The following ROCK2 variants were observed in gnomAD, a reference collection of about 807,000 sequenced individuals.
ROCK2 encodes rho-associated protein kinase 2.
In ROCK2, 61 loss-of-function variants were observed where a neutral mutation model predicts 195.1. The observed-to-expected ratio is 0.31, with a 90% CI of 0.25 to 0.39. The LOEUF (loss-of-function observed/expected upper bound fraction) is 0.39. ROCK2 is among the 10% of genes least tolerant of loss of function. The pLI is 1.00. For missense variants in ROCK2, 1,109 were observed against 1,637.4 expected (o/e 0.68, Z 5.57); for synonymous variants, 504 against 545.5 (o/e 0.92, Z 1.06).
chr2:11,223,979 T>C (rs1388043328), intron 7 of ROCK2, among the ~76,000 whole-genome samples: 1 of 152,228 alleles, frequency 6.6e-6, no homozygotes, highest in Admixed American at 6.5e-5. Flanking sequence ...CAAAATACTC[T>C]CAAAAGTTAT....
intron 5 of ROCK2, among the ~76,000 whole-genome samples, chr2:11,228,112 C>A (rs1360633506): frequency 1.3e-5 from 2 of 152,120 alleles, no homozygotes; most frequent in African/African-American, 4.8e-5. Context: ...TGTCTGCATG[C>A]TGCAAAATTA....
intron 1 of ROCK2, among the ~76,000 whole-genome samples, chr2:11,298,350 G>A (rs559022773): frequency 6.6e-6 from 1 of 151,472 alleles, no homozygotes; most frequent in East Asian, 2.0e-4. Flanking sequence ...CTAGCCTATA[G>A]TCCCAGCTAC....
chr2:11,203,128 TAATA>T (rs1244758976), intron 20 of ROCK2, among the ~76,000 whole-genome samples: 1 of 152,124 alleles, frequency 6.6e-6, no homozygotes, highest in African/African-American at 2.4e-5. Flanking sequence ...AGGAATAAAA[TAATA>T]AATAAAATAA....
chr2:11,245,293 T>C (rs1665574768), intron 4 of ROCK2, among the ~76,000 whole-genome samples: 1 of 150,432 alleles, frequency 6.6e-6, no homozygotes, highest in Non-Finnish European at 1.5e-5. Context: ...ATTTTAGGCT[T>C]AATGTATAAG....
At chr2:11,188,069 A>G (rs1392083673) in intron 32 of ROCK2, among the ~76,000 whole-genome samples, 1 of 151,892 alleles carries the variant, frequency 6.6e-6, no homozygotes, top group Admixed American at 6.6e-5. Flanking sequence ...AAAAATAATT[A>G]AAGAGAAATA....
intron 27 of ROCK2, among the ~76,000 whole-genome samples, chr2:11,196,644 A>C (rs574261945): frequency 6.6e-6 from 1 of 152,332 alleles, no homozygotes; most frequent in South Asian, 2.1e-4. Context: ...AATTAAGGGT[A>C]GTGGGAAAAA....
At chr2:11,205,712 ATCTT>A (rs891965520) in intron 20 of ROCK2, among the ~76,000 whole-genome samples, 2 of 151,958 alleles carry the variant, frequency 1.3e-5, no homozygotes, top group Non-Finnish European at 2.9e-5. Context: ...TATTTGGTTA[ATCTT>A]TCTATCTTTC....
At chr2:11,319,508 G>A (rs919754535) in intron 1 of ROCK2, among the ~76,000 whole-genome samples, 6 of 152,170 alleles carry the variant, frequency 3.9e-5, no homozygotes, top group African/African-American at 9.7e-5. Context: ...GGGCTGAGAC[G>A]ATGGGGTTTT....
chr2:11,238,540 A>G (rs1347261203), intron 4 of ROCK2, among the ~76,000 whole-genome samples: 1 of 152,160 alleles, frequency 6.6e-6, no homozygotes, highest in African/African-American at 2.4e-5. Context: ...AACTTACTAC[A>G]AAATTACAAT....
chr2:11,289,900 AC>A (rs1667307912), intron 1 of ROCK2, among the ~76,000 whole-genome samples: 1 of 152,226 alleles, frequency 6.6e-6, no homozygotes, highest in African/African-American at 2.4e-5. Flanking sequence ...GCTCAACTCA[AC>A]CATCTTGTTT....
intron 3 of ROCK2, among the ~76,000 whole-genome samples, chr2:11,277,075 A>G (rs1406697906): frequency 6.6e-6 from 1 of 152,184 alleles, no homozygotes; most frequent in Non-Finnish European, 1.5e-5. Context: ...GTTTCCTCTA[A>G]TATTAACATA....
chr2:11,343,280 C>T (rs1024773777), intron 1 of ROCK2, among the ~76,000 whole-genome samples: 1 of 152,196 alleles, frequency 6.6e-6, no homozygotes, highest in Non-Finnish European at 1.5e-5. Flanking sequence ...ATGCTCCTTT[C>T]TTAACCAAGA....
intron 1 of ROCK2, among the ~76,000 whole-genome samples, chr2:11,288,163 T>G (rs1197459690): frequency 6.6e-6 from 1 of 152,168 alleles, no homozygotes; most frequent in African/African-American, 2.4e-5. Flanking sequence ...AATAACACCA[T>G]CCTTACCCTC....
At chr2:11,252,840 T>C (rs1368038592) in intron 3 of ROCK2, among the ~76,000 whole-genome samples, 1 of 151,826 alleles carries the variant, frequency 6.6e-6, no homozygotes, top group African/African-American at 2.4e-5. Flanking sequence ...TTAGGAGAAA[T>C]GTAGATGACA....
chr2:11,192,745 C>T lies in ROCK2; in HGVS notation c.3688-33G>A. 6.4e-7 allele frequency: 1 copy of T among 1,574,224 alleles called. No individual in the cohort carries two copies. The highest frequency in any genetic ancestry group is 8.6e-7 in the Non-Finnish European group (1 of 1,161,568). ...TGCCAAAAGAACAATAAGTGATTTC[C>T]AAACATGCTATTTTTTTATGTAGGA... On this transcript the variant is annotated intron_variant, in intron 30 of 32. Coordinates refer to ENST00000315872, the MANE Select transcript of ROCK2 (RefSeq NM_004850.5). This position sits in a 1 kb window ranked among gnomAD's most constrained non-coding sequence, Gnocchi z 5.0.
chr2:11,340,150 A>T (rs1307648656), intron 1 of ROCK2, among the ~76,000 whole-genome samples: 1 of 152,148 alleles, frequency 6.6e-6, no homozygotes, highest in African/African-American at 2.4e-5. Context: ...CCGAACTCAG[A>T]ATTTCTTGGA....
At chr2:11,241,748 T>G (rs974324280) in intron 4 of ROCK2, among the ~76,000 whole-genome samples, 2 of 152,190 alleles carry the variant, frequency 1.3e-5, no homozygotes, top group African/African-American at 4.8e-5. Context: ...AGTAACACTA[T>G]TAAAAAATCC....
At chr2:11,250,149 G>A (rs947374514) in intron 3 of ROCK2, among the ~76,000 whole-genome samples, 8 of 151,418 alleles carry the variant, frequency 5.3e-5, no homozygotes, top group African/African-American at 1.2e-4. Context: ...TATGTCTACT[G>A]AAAAAAAACC....
rs1048886929 is a variant in ROCK2 at position 11,258,215 on chromosome 2, A to G, written c.325-8417T>C. 2.0e-5 allele frequency among the ~76,000 whole-genome samples: 3 copies of G among 151,572 alleles called. 1 individual carries two copies. The highest frequency in any genetic ancestry group is 1.3e-4 in the Admixed American group (2 of 15,288). ...AGTAGATGCTTAATATAATGACGAC[A>G]TGGTGAATGCATGAGTGAATAAGTG... On this transcript the variant is annotated intron_variant, in intron 3 of 32. Transcript: ENST00000315872.
Sources: gnomAD v4.1 joint callset for allele counts (sites outside exome capture counted in the v4.1 genomes callset) on GRCh38, gnomAD v4.1.1 for gene constraint, Gnocchi (gnomAD v3.1) non-coding constraint, MANE v1.5 for transcripts, NCBI Gene and HGNC (gene_info 2026-07-23, HGNC 2026-07-21) for gene names.